CDK14: variants seen among roughly 807,000 people sequenced by gnomAD.
CDK14 encodes cyclin-dependent kinase 14.
In CDK14, 34 loss-of-function variants were observed where a neutral mutation model predicts 60.7. That is an observed-to-expected ratio of 0.56 (90% confidence interval 0.43 to 0.75). The LOEUF (loss-of-function observed/expected upper bound fraction) is 0.75, where lower values mean the gene tolerates loss of function less well. Ranked by LOEUF, CDK14 falls within the 30% of genes least tolerant of loss-of-function variation. The pLI is 0.00. For missense variants in CDK14, 482 were observed against 564.1 expected (o/e 0.85, Z 1.47); for synonymous variants, 197 against 203.7 (o/e 0.97, Z 0.28).
intron 10 of CDK14, among the ~76,000 whole-genome samples, chr7:91,041,561 A>G (rs1358079453): frequency 2.6e-5 from 4 of 152,194 alleles, no homozygotes; most frequent in African/African-American, 4.8e-5. Flanking sequence ...ATGACTCACT[A>G]TGCACACACA....
At chr7:90,668,622 T>TTTTGC (rs1237903400) in intron 2 of CDK14, among the ~76,000 whole-genome samples, 1 of 150,700 alleles carries the variant, frequency 6.6e-6, no homozygotes, top group Non-Finnish European at 1.5e-5. Context: ...CTTCTGAGAG[T>TTTTGC]TTTATAGTTT....
chr7:90,972,792 C>T (rs1177031422), intron 9 of CDK14, among the ~76,000 whole-genome samples: 1 of 152,210 alleles, frequency 6.6e-6, no homozygotes, highest in Non-Finnish European at 1.5e-5. Context: ...AGTTATAAAA[C>T]TCCATTCAAA....
intron 9 of CDK14, among the ~76,000 whole-genome samples, chr7:90,963,761 AC>A (rs1242692634): frequency 7.5e-6 from 1 of 133,150 alleles, no homozygotes; most frequent in Non-Finnish European, 1.5e-5. Flanking sequence ...GGTCACCCAG[AC>A]TGTAGTGCAA....
At chr7:90,821,881 T>G (rs1432754648) in intron 5 of CDK14, among the ~76,000 whole-genome samples, 1 of 152,190 alleles carries the variant, frequency 6.6e-6, no homozygotes, top group Non-Finnish European at 1.5e-5. Flanking sequence ...AGTCTGCTCT[T>G]TAGCTTCCTT....
intron 2 of CDK14, among the ~76,000 whole-genome samples, chr7:90,664,930 A>C (rs1800944483): frequency 6.6e-6 from 1 of 152,136 alleles, no homozygotes; most frequent in Non-Finnish European, 1.5e-5. Flanking sequence ...TGTAAAACTT[A>C]AAGTATAATA....
chr7:90,623,668 A>G (rs1012316233), intron 2 of CDK14, among the ~76,000 whole-genome samples: 1 of 152,198 alleles, frequency 6.6e-6, no homozygotes, highest in African/African-American at 2.4e-5. Context: ...ACACTTGATC[A>G]GAAAGTCTAG....
At chr7:91,010,191 G>A (rs1204032094) in intron 10 of CDK14, among the ~76,000 whole-genome samples, 2 of 151,926 alleles carry the variant, frequency 1.3e-5, no homozygotes, top group Non-Finnish European at 2.9e-5. Context: ...TGAAAGTTAG[G>A]TTGTATAAGT....
At chr7:91,048,584 A>G (rs906295217) in intron 11 of CDK14, among the ~76,000 whole-genome samples, 16 of 152,268 alleles carry the variant, frequency 1.1e-4, no homozygotes, top group Non-Finnish European at 1.8e-4. Context: ...ACTTTCATCA[A>G]ACTGTTGTCC....
chr7:90,709,221 GC>G (rs1337193025), intron 2 of CDK14: 2 of 308,682 alleles, frequency 6.5e-6, no homozygotes, highest in African/African-American at 4.3e-5. Context: ...TACTCCATTT[GC>G]ATATGACAAA....
chr7:90,611,325 T>C (rs914721674), intron 2 of CDK14, among the ~76,000 whole-genome samples: 1 of 152,216 alleles, frequency 6.6e-6, no homozygotes, highest in Non-Finnish European at 1.5e-5. Context: ...CTTTCTATTC[T>C]AACCTCCACA....
At chr7:90,639,953 G>A (rs528371084) in intron 2 of CDK14, among the ~76,000 whole-genome samples, 4 of 152,216 alleles carry the variant, frequency 2.6e-5, no homozygotes, top group South Asian at 4.1e-4. Flanking sequence ...CTGATGCGCC[G>A]GTTTTTAAGC....
chr7:91,194,087 T>C (rs2115955827), intron 14 of CDK14, among the ~76,000 whole-genome samples: 1 of 152,278 alleles, frequency 6.6e-6, no homozygotes, highest in East Asian at 1.9e-4. Context: ...GGCTTTGTTC[T>C]CCTGTGCATT....
intron 9 of CDK14, among the ~76,000 whole-genome samples, chr7:90,983,234 A>T (rs1795277807): frequency 1.3e-5 from 2 of 152,072 alleles, no homozygotes; most frequent in Admixed American, 1.3e-4. Context: ...AAATCATTCT[A>T]AAAAAAAGAT....
chr7:90,951,158 T>G (rs974589657), intron 8 of CDK14, among the ~76,000 whole-genome samples: 1 of 152,182 alleles, frequency 6.6e-6, no homozygotes, highest in Non-Finnish European at 1.5e-5. Flanking sequence ...GTAACTGTCT[T>G]ATGGTAAAAT....
chr7:90,724,581 T>G (rs1039996759), intron 2 of CDK14, among the ~76,000 whole-genome samples: 1 of 151,980 alleles, frequency 6.6e-6, no homozygotes, highest in Non-Finnish European at 1.5e-5. Flanking sequence ...CAAATTTTCC[T>G]ACAGCTAAAG....
At chr7:90,811,049 A>G (rs1262791961) in intron 5 of CDK14, among the ~76,000 whole-genome samples, 2 of 152,208 alleles carry the variant, frequency 1.3e-5, no homozygotes, top group East Asian at 3.8e-4. Context: ...GCCCAAGGTA[A>G]TTTATAGATT....
At chr7:90,654,769 A>G (rs1198550157) in intron 2 of CDK14, among the ~76,000 whole-genome samples, 1 of 152,150 alleles carries the variant, frequency 6.6e-6, no homozygotes, top group Non-Finnish European at 1.5e-5. Context: ...TTCCCCTGTT[A>G]TTAATATTTT....
intron 1 of CDK14, among the ~76,000 whole-genome samples, chr7:90,599,598 TC>T (rs760699172): frequency 6.6e-6 from 1 of 152,244 alleles, no homozygotes; most frequent in Non-Finnish European, 1.5e-5. Flanking sequence ...CTGTCATTGT[TC>T]CTTGCAATTT....
intron 13 of CDK14, among the ~76,000 whole-genome samples, chr7:91,117,041 G>A (rs1260305972): frequency 6.8e-6 from 1 of 147,598 alleles, no homozygotes; most frequent in Non-Finnish European, 1.5e-5. Flanking sequence ...TCCCTGACTT[G>A]ACTTGCATAT....
Sources: allele counts gnomAD v4.1 joint callset (sites outside exome capture counted in the v4.1 genomes callset), GRCh38; gene constraint gnomAD v4.1.1; transcripts MANE v1.5; gene names NCBI Gene and HGNC (gene_info 2026-07-23, HGNC 2026-07-21).